The following GABRG3 variants were observed in gnomAD, a reference collection of about 807,000 sequenced individuals.
GABRG3 encodes the protein gamma-aminobutyric acid type A receptor subunit gamma3, also known as gamma-aminobutyric acid receptor subunit gamma-3.
In GABRG3, 25 loss-of-function variants were observed where a neutral mutation model predicts 48.8. The observed-to-expected ratio is 0.51, with a 90% CI of 0.37 to 0.72. GABRG3 has a LOEUF of 0.72. GABRG3 is among the 30% of genes least tolerant of loss of function. The pLI is 0.00. For synonymous variants in GABRG3, 227 were observed against 217.6 expected, an observed-to-expected ratio of 1.04 and a Z score of -0.38; for missense variants, 394 against 577.9, an observed-to-expected ratio of 0.68 and a Z score of 3.26.
At chr15:27,366,051 A>T (rs1248764828) in intron 5 of GABRG3, 1 of 152,226 alleles carries the variant, frequency 6.6e-6, no homozygotes, top group African/African-American at 2.4e-5. Context: ...AGAAGAACGA[A>T]AACTTGCAAC....
chr15:27,307,080 TTA>T (rs1236855297), intron 3 of GABRG3, among the ~76,000 whole-genome samples: 1 of 127,938 alleles, frequency 7.8e-6, no homozygotes, highest in African/African-American at 3.3e-5. Flanking sequence ...ATAAACATGT[TTA>T]TATATAAACA....
chr15:27,303,227 TAA>T (rs879858277), intron 3 of GABRG3, among the ~76,000 whole-genome samples: 6 of 141,862 alleles, frequency 4.2e-5, no homozygotes, highest in South Asian at 2.2e-4. Context: ...CTGACAAAGT[TAA>T]AAAAAAAAAA....
chr15:27,370,701 A>G (rs1321779885), intron 5 of GABRG3, among the ~76,000 whole-genome samples: 1 of 152,246 alleles, frequency 6.6e-6, no homozygotes, highest in Non-Finnish European at 1.5e-5. Flanking sequence ...TCGATAAAAC[A>G]AGCCTGCAAT....
chr15:27,415,026 C>T (rs1887900733), intron 5 of GABRG3, among the ~76,000 whole-genome samples: 1 of 152,044 alleles, frequency 6.6e-6, no homozygotes, highest in Non-Finnish European at 1.5e-5. Flanking sequence ...TCTGTGGTTT[C>T]GTATCTGACG....
intron 2 of GABRG3, among the ~76,000 whole-genome samples, chr15:27,005,488 G>T (rs1234531577): frequency 6.6e-6 from 1 of 152,102 alleles, no homozygotes; most frequent in Non-Finnish European, 1.5e-5. Context: ...AAACTTTTGA[G>T]TCAATTACTA....
At chr15:27,156,878 C>G (rs1044305781) in intron 3 of GABRG3, among the ~76,000 whole-genome samples, 3 of 152,128 alleles carry the variant, frequency 2.0e-5, no homozygotes, top group Admixed American at 1.3e-4. Flanking sequence ...TATTTGCCAC[C>G]ACTGATTTCT....
intron 3 of GABRG3, among the ~76,000 whole-genome samples, chr15:27,183,385 G>T (rs191856631): frequency 2.2e-3 from 334 of 152,332 alleles, no homozygotes; most frequent in Non-Finnish European, 4.2e-3. Context: ...GGGAAGGAGT[G>T]ATGGAGTAGC....
intron 3 of GABRG3, among the ~76,000 whole-genome samples, chr15:27,214,505 C>T (rs1199986670): frequency 6.7e-6 from 1 of 149,442 alleles, no homozygotes; most frequent in African/African-American, 2.5e-5. Flanking sequence ...GGGTAAGCTA[C>T]GTATGAAGAA....
chr15:27,402,058 GA>G (rs1316942788), intron 5 of GABRG3, among the ~76,000 whole-genome samples: 1 of 152,134 alleles, frequency 6.6e-6, no homozygotes, highest in African/African-American at 2.4e-5. Flanking sequence ...TAGTCATACA[GA>G]AAAAGGGCAA....
At chr15:27,240,617 A>G (rs190668902) in intron 3 of GABRG3, among the ~76,000 whole-genome samples, 33 of 152,368 alleles carry the variant, frequency 2.2e-4, no homozygotes, top group African/African-American at 7.7e-4. Context: ...ACAGGGAATT[A>G]TAACTTAATT....
In GABRG3 at chr15:27,540,697, C is replaced by G. The variant is rs1173563614; in HGVS notation, c.*7816C>G. The G allele has an allele frequency of 1.3e-5, 2 of 152,180 alleles. No homozygotes were observed. Among genetic ancestry groups the G allele is most frequent in the Non-Finnish European group, 2.9e-5 (2 of 68,044 alleles). The allele number at this position is 152,180 out of a possible 1,614,324, so 9.4% of individuals were successfully genotyped here. A position where few individuals can be genotyped will look rare whatever the true frequency, so the allele number is the denominator to read the frequency against. Reference sequence around the variant, plus strand: ...AATGTGTTTTCCTTTACGTGCAGCTCCGGTACTGAGCAAAAGGTTCGTTGT... The same window carrying G: ...AATGTGTTTTCCTTTACGTGCAGCTGCGGTACTGAGCAAAAGGTTCGTTGT... On this transcript the variant is annotated 3_prime_UTR_variant, in exon 10 of 10. Coordinates refer to ENST00000615808, the MANE Select transcript of GABRG3 (RefSeq NM_033223.5).
chr15:27,318,673 G>A (rs958940253), intron 3 of GABRG3, among the ~76,000 whole-genome samples: 1 of 152,166 alleles, frequency 6.6e-6, no homozygotes, highest in Non-Finnish European at 1.5e-5. Context: ...AGGGAATTCA[G>A]ATGTTTGCAA....
At position 27,540,315 on chromosome 15, in the gene GABRG3, G is replaced by A. The variant is rs373181659; in HGVS notation, c.*7434G>A. Reference sequence around the variant, plus strand: ...TTAGTTGGCTATTTTATTCCTTTTCGTAAAGATAACGTTTGAATTGTCTAA... The same window carrying A: ...TTAGTTGGCTATTTTATTCCTTTTCATAAAGATAACGTTTGAATTGTCTAA... On this transcript the variant is annotated 3_prime_UTR_variant, in exon 10 of 10. Coordinates refer to ENST00000615808, the MANE Select transcript of GABRG3 (RefSeq NM_033223.5). The A allele has an allele frequency of 4.0e-5, 6 of 150,678 alleles. No individual in the cohort carries two copies. Among genetic ancestry groups the A allele is most frequent in the Non-Finnish European group, 8.9e-5 (6 of 67,790 alleles). The allele number at this position is 150,678 out of a possible 1,614,324, so 9.3% of individuals were successfully genotyped here. A position where few individuals can be genotyped will look rare whatever the true frequency, so the allele number is the denominator to read the frequency against.
At chr15:27,144,991 CAAAT>C (rs1898171682) in intron 3 of GABRG3, among the ~76,000 whole-genome samples, 1 of 152,042 alleles carries the variant, frequency 6.6e-6, no homozygotes, top group South Asian at 2.1e-4. Flanking sequence ...AACAAACAAA[CAAAT>C]ACAGCAACAA....
chr15:27,480,871 C>T, intron 6 of GABRG3, 84 bp downstream of exon 6: 1 of 1,522,008 alleles, frequency 6.6e-7, no homozygotes, highest in Non-Finnish European at 8.8e-7. Flanking sequence ...ATGTACAAGC[C>T]TTTTGGGCAA....
chr15:27,055,267 C>T (rs1359133681), intron 3 of GABRG3, among the ~76,000 whole-genome samples: 2 of 152,170 alleles, frequency 1.3e-5, no homozygotes, highest in African/African-American at 4.8e-5. Flanking sequence ...CACCCCGTAA[C>T]ATCTTAAGAA....
rs12438022 is a variant in GABRG3 at position 27,457,070 on chromosome 15, G to T, written c.575-23580G>T. Among the ~76,000 whole-genome samples the T allele has an allele frequency of 9.2e-5, 14 of 152,278 alleles. No individual in the cohort carries two copies. The highest frequency in any genetic ancestry group is 3.4e-4 in the African/African-American group (14 of 41,574). ...GTGGAAGTAGAAGGAGCTGGAGGAG[G>T]GGAGCTGCAGGCCTCACCTTCTCCA... On this transcript the variant is annotated intron_variant, in intron 5 of 9. Coordinates refer to ENST00000615808, the MANE Select transcript of GABRG3 (RefSeq NM_033223.5). The surrounding 1 kb of genome is among the most constrained non-coding windows in gnomAD (Gnocchi z 4.4).
At chr15:27,042,966 C>G (rs911874772) in intron 3 of GABRG3, among the ~76,000 whole-genome samples, 2 of 152,250 alleles carry the variant, frequency 1.3e-5, no homozygotes, top group African/African-American at 4.8e-5. Context: ...CATAAGCTGT[C>G]AAGGGTGGGG....
intron 5 of GABRG3, among the ~76,000 whole-genome samples, chr15:27,360,280 G>A (rs1184647523): frequency 6.6e-6 from 1 of 152,122 alleles, no homozygotes; most frequent in Non-Finnish European, 1.5e-5. Context: ...TCTGCCTGAG[G>A]CACTGGATTC....
Sources: allele counts gnomAD v4.1 joint callset (sites outside exome capture counted in the v4.1 genomes callset), GRCh38; gene constraint gnomAD v4.1.1; non-coding constraint Gnocchi (gnomAD v3.1); transcripts MANE v1.5; gene names NCBI Gene and HGNC (gene_info 2026-07-23, HGNC 2026-07-21).